Variants in SPTAN1 observed in about 807,000 individuals in gnomAD.
SPTAN1 encodes spectrin alpha, non-erythrocytic 1, also known as spectrin alpha chain, non-erythrocytic 1.
A neutral mutation model predicts 331.3 loss-of-function variants in SPTAN1; 61 were observed. The ratio of observed to expected loss-of-function variants is 0.18; its 90% confidence interval spans 0.15 to 0.23. The LOEUF (loss-of-function observed/expected upper bound fraction) is 0.23, where lower values mean the gene tolerates loss of function less well. Ranked by LOEUF, SPTAN1 falls within the 10% of genes least tolerant of loss-of-function variation. SPTAN1 has a pLI of 1.00. For missense variants in SPTAN1, 2,043 were observed against 3,147.9 expected (o/e 0.65, Z 8.40); for synonymous variants, 1,153 against 1,173.9 (o/e 0.98, Z 0.36).
At chr9:128,594,547 C>T (rs575539535) in intron 24 of SPTAN1, among the ~76,000 whole-genome samples, 174 bp downstream of exon 24, 5 of 150,862 alleles carry the variant, frequency 3.3e-5, no homozygotes, top group African/African-American at 1.2e-4. Context: ...TCTCCTGCCT[C>T]AGCATCCTGA....
intron 13 of SPTAN1, 32 bp downstream of exon 13, chr9:128,582,588 T>A (rs768252290): frequency 6.2e-7 from 1 of 1,612,062 alleles, no homozygotes; most frequent in South Asian, 1.1e-5. Flanking sequence ...GCTCCTCCTT[T>A]TTGGTACATG....
chr9:128,569,937 A>T (rs1285119022), intron 3 of SPTAN1, among the ~76,000 whole-genome samples: 1 of 152,186 alleles, frequency 6.6e-6, no homozygotes, highest in East Asian at 1.9e-4. Flanking sequence ...AACTATTACT[A>T]ATAATGATGA....
intron 1 of SPTAN1, among the ~76,000 whole-genome samples, chr9:128,562,367 C>T (rs1417217495): frequency 6.6e-6 from 1 of 152,084 alleles, no homozygotes; most frequent in African/African-American, 2.4e-5. Context: ...TCCCAAAGTG[C>T]TGGGATTACA....
intron 51 of SPTAN1, chr9:128,628,812 T>C: frequency 3.6e-6 from 1 of 276,508 alleles, no homozygotes; most frequent in Non-Finnish European, 6.7e-6. Flanking sequence ...GTTTCCGGCC[T>C]GTGCCCGTAG....
intron 1 of SPTAN1, among the ~76,000 whole-genome samples, chr9:128,555,015 C>T (rs1399868371): frequency 6.6e-6 from 1 of 152,142 alleles, no homozygotes; most frequent in Non-Finnish European, 1.5e-5. Context: ...CTGGGATCCT[C>T]AGGAGGAAGG....
chr9:128,623,670 C>T (rs1481512486), intron 45 of SPTAN1, among the ~76,000 whole-genome samples: 10 of 128,484 alleles, frequency 7.8e-5, no homozygotes, highest in African/African-American at 3.0e-4. Context: ...GACAGGGTTT[C>T]ACCATATTAG....
chr9:128,592,659 G>A (rs1282634750), intron 22 of SPTAN1, among the ~76,000 whole-genome samples: 1 of 152,212 alleles, frequency 6.6e-6, no homozygotes, highest in Non-Finnish European at 1.5e-5. Flanking sequence ...TTAGCACTCA[G>A]TAAAATTTCT....
At chr9:128,583,669 A>G in intron 15 of SPTAN1, 119 bp from the exon 16 acceptor site, 1 of 1,075,962 alleles carries the variant, frequency 9.3e-7, no homozygotes, top group Non-Finnish European at 1.4e-6. Flanking sequence ...TTTGTGACAT[A>G]AGTGAAGGAA....
chr9:128,591,346 G>A (rs1853489385), intron 21 of SPTAN1, 131 bp from the exon 22 acceptor site: 1 of 1,145,316 alleles, frequency 8.7e-7, no homozygotes. Flanking sequence ...GATTATAGGT[G>A]TGAGCCACTG....
In SPTAN1 at chr9:128,585,972, A is replaced by G; in HGVS notation, c.2778+7A>G. ...GGACGAAGACTCTGCTGAGGTAACC[A>G]GGCGTGGGAAGCGTCTCACCTGCCA... On this transcript the variant is annotated splice_region_variant and intron_variant, in intron 19 of 56. Transcript: ENST00000372739. 1 of 1,612,176 alleles carries G rather than the reference A, an allele frequency of 6.2e-7. No individual in the cohort carries two copies. The highest frequency in any genetic ancestry group is 8.5e-7 in the Non-Finnish European group (1 of 1,179,906).
rs1341896623 is a variant in SPTAN1 at position 128,632,653 on chromosome 9, C to T, written c.7095C>T (p.Pro2365=). 1 of 1,613,948 alleles carries T rather than the reference C, an allele frequency of 6.2e-7. No homozygotes were observed. Among genetic ancestry groups the T allele is most frequent in the East Asian group, 2.2e-5 (1 of 44,878 alleles). The change falls in exon 55 of 57, where the codon CCC becomes CCT. Residue 2365 remains proline (P), a synonymous_variant. Coordinates refer to ENST00000372739, the MANE Select transcript of SPTAN1 (RefSeq NM_001130438.3). ...TGCGCTCCCTGGGCTATGACCTGCC[C>T]ATGGTGGAGGAAGGGGAACCTGACC... ...SCLRSLGYDL[P]MVEEGEPDPE...
chr9:128,594,093 C>T (rs1853899758), intron 23 of SPTAN1, 82 bp from the exon 24 acceptor site: 1 of 1,315,676 alleles, frequency 7.6e-7, no homozygotes, highest in Non-Finnish European at 1.1e-6. Flanking sequence ...ATCTTGGAGA[C>T]ACCTCGTGGT....
At chr9:128,622,460 C>T (rs1336475258) in intron 45 of SPTAN1, among the ~76,000 whole-genome samples, 7 of 151,960 alleles carry the variant, frequency 4.6e-5, no homozygotes, top group African/African-American at 1.2e-4. Context: ...CCACTATGCC[C>T]GGCTAATTTT....
chr9:128,616,557 A>G (rs1056966427), intron 41 of SPTAN1, among the ~76,000 whole-genome samples: 3 of 149,806 alleles, frequency 2.0e-5, no homozygotes, highest in Non-Finnish European at 4.4e-5. Flanking sequence ...ACTTGAGGTC[A>G]GGAGTTCGAG....
At position 128,632,973 on chromosome 9, in the gene SPTAN1, T is replaced by C. The variant is rs781467795; in HGVS notation, c.7308+18T>C. The stretch of plus-strand genomic sequence containing the variant: ...TCTACCAGGTATGGGCCTCAGGAGG[T>C]GGGTGAAGAGGTGTCCTTTGGAAAA... On this transcript the variant is annotated intron_variant, in intron 56 of 56. Transcript: ENST00000372739. 1.2e-6 allele frequency: 2 copies of C among 1,609,546 alleles called. No individual in the cohort carries two copies. Among genetic ancestry groups the C allele is most frequent in the Admixed American group, 1.7e-5 (1 of 59,982 alleles).
chr9:128,576,939 A>G lies in SPTAN1; in HGVS notation c.768A>G (p.Glu256=). 1 of 1,614,154 alleles carries G rather than the reference A, an allele frequency of 6.2e-7. No individual in the cohort carries two copies. Among genetic ancestry groups the G allele is most frequent in the Non-Finnish European group, 8.5e-7 (1 of 1,180,042 alleles). Residue 256 remains glutamate (E), a synonymous_variant, in exon 6 of 57, where the codon GAA becomes GAG. Coordinates refer to ENST00000372739, the MANE Select transcript of SPTAN1 (RefSeq NM_001130438.3). ...QRQGKLFGAA[E]VQRFNRDVDE... ...AGGGGAAGCTCTTTGGGGCAGCAGA[A>G]GTTCAGCGCTTTAACAGGTGTCAAG...
rs1347659519 is a variant in SPTAN1, at chr9:128,623,735, G to T, written c.5833-593G>T. Among the ~76,000 whole-genome samples, 6 of 149,620 alleles carry T rather than the reference G, an allele frequency of 4.0e-5. No homozygotes were observed. The East Asian group carries it at 1.2e-3, about 30-fold the overall frequency. ...ATGATCTGCCCACCTCAGCCTCCCA[G>T]AGTGCTAGGATTACAGGCGTTAGCC... On this transcript the variant is annotated intron_variant, in intron 45 of 56. Coordinates refer to ENST00000372739, the MANE Select transcript of SPTAN1 (RefSeq NM_001130438.3).
intron 5 of SPTAN1, among the ~76,000 whole-genome samples, 189 bp from the exon 6 acceptor site, chr9:128,576,634 C>T (rs1221880985): frequency 6.6e-6 from 1 of 152,226 alleles, no homozygotes; most frequent in East Asian, 1.9e-4. Context: ...GAATGGCTCT[C>T]CCCTTTTTAC....
intron 26 of SPTAN1, 61 bp downstream of exon 26, chr9:128,599,047 A>G (rs1276479250): frequency 8.5e-6 from 13 of 1,520,540 alleles, no homozygotes; most frequent in Non-Finnish European, 1.2e-5. Context: ...CTTGGGAAGA[A>G]TATCAAGCCA....
Sources: gnomAD v4.1 joint callset for allele counts (sites outside exome capture counted in the v4.1 genomes callset) on GRCh38, gnomAD v4.1.1 for gene constraint, MANE v1.5 for transcripts, NCBI Gene and HGNC (gene_info 2026-07-23, HGNC 2026-07-21) for gene names.